TGM1: variants seen among roughly 807,000 people sequenced by gnomAD.
The protein encoded by TGM1 is protein-glutamine gamma-glutamyltransferase K.
Under a neutral mutation model 88.7 loss-of-function variants are expected in TGM1, and 63 were observed. That is an observed-to-expected ratio of 0.71 (90% confidence interval 0.58 to 0.88). TGM1 has a LOEUF of 0.88. Among genes scored for constraint, TGM1 ranks in the 40% least tolerant of loss-of-function variants. The pLI, the probability that TGM1 is intolerant of heterozygous loss-of-function variation, is 0.00. For missense variants in TGM1, 996 were observed against 1,118.0 expected (o/e 0.89, Z 1.56); for synonymous variants, 415 against 431.1 (o/e 0.96, Z 0.46).
At chr14:24,257,953 A>G (rs978834821) in intron 9 of TGM1, among the ~76,000 whole-genome samples, 5 of 152,194 alleles carry the variant, frequency 3.3e-5, no homozygotes, top group Non-Finnish European at 7.3e-5. Context: ...TCTCCAGGAT[A>G]TGTAAGTTAA....
At chr14:24,262,508 C>T (rs41295332) in intron 1 of TGM1, among the ~76,000 whole-genome samples, 154 bp from the exon 2 acceptor site, 5,410 of 152,300 alleles carry the variant, frequency 0.036, 149 homozygotes, top group Non-Finnish European at 0.058. Context: ...AGAGACCTTC[C>T]GCGAAGACCA....
rs1392501016 is a variant in TGM1 at position 24,255,109 on chromosome 14, G to A, written c.1790C>T (p.Ser597Phe). 1.9e-6 allele frequency: 3 copies of A among 1,614,014 alleles called. No homozygotes were observed. The highest frequency in any genetic ancestry group is 2.5e-6 in the Non-Finnish European group (3 of 1,180,058). Residue 597 changes from serine to phenylalanine, a missense_variant, in exon 12 of 15, where the codon TCT (serine) becomes TTT (phenylalanine). Coordinates refer to ENST00000206765, the MANE Select transcript of TGM1 (RefSeq NM_000359.3). This position sits in a 1 kb window ranked among gnomAD's most constrained non-coding sequence, Gnocchi z 4.0. Reference protein sequence around the residue: ...DAVMGQDLMVSVMLINHSSSR... With the variant: ...DAVMGQDLMVFVMLINHSSSR... Reference sequence around the variant, plus strand: ...GCTGCTGTGATTGATCAGCATCACAGAGACCATCAGATCCTGCCCCATCAC... The same window carrying A: ...GCTGCTGTGATTGATCAGCATCACAAAGACCATCAGATCCTGCCCCATCAC...
chr14:24,257,950 G>C (rs970550207), intron 9 of TGM1, among the ~76,000 whole-genome samples: 1 of 151,990 alleles, frequency 6.6e-6, no homozygotes, highest in Admixed American at 6.6e-5. Flanking sequence ...TTATCTCCAG[G>C]ATATGTAAGT....
At position 24,260,065 on chromosome 14, in the gene TGM1, C is replaced by G; in HGVS notation, c.758-7G>C. ...TCCACGTACACAATGTCCTCTGTGTCCCCAGAACACACAAAACTGGTTCCC... is the reference window on the plus strand; with the variant it reads ...TCCACGTACACAATGTCCTCTGTGTGCCCAGAACACACAAAACTGGTTCCC... On this transcript the variant is annotated splice_region_variant and splice_polypyrimidine_tract_variant and intron_variant, in intron 4 of 14. Coordinates refer to ENST00000206765, the MANE Select transcript of TGM1 (RefSeq NM_000359.3). The G allele has an allele frequency of 6.2e-7, 1 of 1,609,254 alleles. No homozygotes were observed. Among genetic ancestry groups the G allele is most frequent in the Non-Finnish European group, 8.5e-7 (1 of 1,175,514 alleles).
At chr14:24,261,975 A>G in intron 2 of TGM1, 59 bp downstream of exon 2, 1 of 1,610,412 alleles carries the variant, frequency 6.2e-7, no homozygotes, top group Non-Finnish European at 8.5e-7. Context: ...TGCCAGGCTG[A>G]GTCTCTGGTC....
chr14:24,249,611 G>A, intron 14 of TGM1, 70 bp from the exon 15 acceptor site: 1 of 1,382,516 alleles, frequency 7.2e-7, no homozygotes, highest in Non-Finnish European at 1.0e-6. Context: ...GCTGATCCAG[G>A]GCAGTCAGGA....
rs1486578821 is a variant in TGM1, at chr14:24,249,366, C to A, written c.2401G>T (p.Gly801Cys). The A allele has an allele frequency of 1.2e-6, 2 of 1,614,080 alleles. No homozygotes were observed. Among genetic ancestry groups the A allele is most frequent in the Non-Finnish European group, 8.5e-7 (1 of 1,180,028 alleles). Residue 801 changes from glycine to cysteine, a missense_variant, in exon 15 of 15, where the codon GGT (glycine) becomes TGT (cysteine). Gly to Cys is a radical substitution (Grantham distance 159). Transcript: ENST00000206765. ...ATGGTCTCTCCTAAGTGACTGTCACCTCCAGCGTCTGAGAAGAAGCCCCCA... is the reference window on the plus strand; with the variant it reads ...ATGGTCTCTCCTAAGTGACTGTCACATCCAGCGTCTGAGAAGAAGCCCCCA... ...GDGGFFSDAGGDSHLGETIPM... is the reference protein window; with the variant it reads ...GDGGFFSDAGCDSHLGETIPM...
At chr14:24,252,482 T>C (rs1218553522) in intron 14 of TGM1, among the ~76,000 whole-genome samples, 1 of 151,954 alleles carries the variant, frequency 6.6e-6, no homozygotes, top group Non-Finnish European at 1.5e-5. Context: ...CCCACCATGG[T>C]GGGGGTGTGG....
intron 12 of TGM1, 53 bp from the exon 13 acceptor site, chr14:24,254,877 C>T (rs1384497871): frequency 5.6e-6 from 9 of 1,612,558 alleles, no homozygotes; most frequent in Non-Finnish European, 6.8e-6. Flanking sequence ...CATGAGGCTT[C>T]CCCCAGGGAC....
chr14:24,256,878 C>T (rs2040755877), intron 9 of TGM1, among the ~76,000 whole-genome samples: 1 of 152,212 alleles, frequency 6.6e-6, no homozygotes, highest in Admixed American at 6.5e-5. Context: ...TCCCGGCATG[C>T]TGCTGGTCCC....
Position 24,256,092 on chromosome 14 carries a change from G to A in TGM1, c.1403-15C>T, listed in dbSNP as rs935571611. The A allele has an allele frequency of 1.3e-5, 20 of 1,551,154 alleles. No individual in the cohort carries two copies. The highest frequency in any genetic ancestry group is 2.4e-5 in the South Asian group (2 of 84,298). On this transcript the variant is annotated splice_polypyrimidine_tract_variant and intron_variant, in intron 9 of 14. Transcript: ENST00000206765. ...GCAGAAGATGCCTAGAGAGTGAGGC[G>A]GGACAGAGGCAAGAGATCTGAGAAG...
Position 24,262,481 on chromosome 14 carries a change from A to G in TGM1, c.-2-127T>C. ...GAAACAATCCCACCTTGGCCCAGAG[A>G]TTCTCCAGACACATCCAGAGACCTT... is the stretch of plus-strand genomic sequence containing the variant. On this transcript the variant is annotated intron_variant, in intron 1 of 14. Coordinates refer to ENST00000206765, the MANE Select transcript of TGM1 (RefSeq NM_000359.3). 16 of 1,037,028 alleles carry G rather than the reference A, an allele frequency of 1.5e-5. No homozygotes were observed. In the South Asian group the frequency reaches 2.2e-4, roughly 14 times the overall value. The allele number at this position is 1,037,028 out of a possible 1,614,324, so 64.2% of individuals were successfully genotyped here. A position where few individuals can be genotyped will look rare whatever the true frequency, so the allele number is the denominator to read the frequency against.
intron 14 of TGM1, among the ~76,000 whole-genome samples, chr14:24,249,764 G>A (rs181177843): frequency 3.3e-5 from 5 of 152,120 alleles, no homozygotes; most frequent in African/African-American, 7.2e-5. Flanking sequence ...TCTCCCCATC[G>A]TCTGGGACTC....
Position 24,259,185 on chromosome 14 carries a change from G to C in TGM1, c.1049C>G (p.Thr350Ser), listed in dbSNP as rs1242023099. 1.9e-6 allele frequency: 3 copies of C among 1,614,026 alleles called. No individual in the cohort carries two copies. The African/African-American group carries it at 4.0e-5, about 22-fold the overall frequency. ...GNWSGDYSRG[T>S]NPSAWVGSVE... is the part of the protein sequence containing the mutation. The stretch of plus-strand genomic sequence containing the variant: ...GCTGCCCACCCACGCTGATGGGTTG[G>C]TGCCTCGGGAGTAATCACCAGACCA... The change falls in exon 7 of 15, where the codon ACC becomes AGC. Residue 350 changes from threonine to serine, a missense_variant. Thr to Ser is a moderately conservative substitution (Grantham distance 58). Transcript: ENST00000206765. This position sits in a 1 kb window ranked among gnomAD's most constrained non-coding sequence, Gnocchi z 5.7.
rs142634031 is a variant in TGM1, at chr14:24,259,813, T to C, written c.877-2A>G. The C allele has an allele frequency of 5.1e-4, 825 of 1,612,990 alleles. No homozygotes were observed. Among genetic ancestry groups the C allele is most frequent in the Non-Finnish European group, 6.6e-4 (783 of 1,179,840 alleles). ...GGCATCCAGCACCCCGTGGTCAAAC[T>C]GGAAGGAGGGATGGAGGGCAGAGGT... On this transcript the variant is annotated splice_acceptor_variant, in intron 5 of 14. Transcript: ENST00000206765. LOFTEE classifies it high-confidence loss of function. This position sits in a 1 kb window ranked among gnomAD's most constrained non-coding sequence, Gnocchi z 5.7.
chr14:24,261,552 C>T, intron 3 of TGM1, 143 bp downstream of exon 3: 1 of 1,051,036 alleles, frequency 9.5e-7, no homozygotes. Flanking sequence ...ACCCCAGGGG[C>T]ACACCCACAC....
chr14:24,261,565 T>C (rs2139027305), intron 3 of TGM1, 130 bp downstream of exon 3: 1 of 1,204,032 alleles, frequency 8.3e-7, no homozygotes, highest in Non-Finnish European at 1.2e-6. Flanking sequence ...ACCCACACAC[T>C]TGCACCTGCC....
At chr14:24,253,099 C>G (rs2040714925) in intron 14 of TGM1, among the ~76,000 whole-genome samples, 1 of 152,196 alleles carries the variant, frequency 6.6e-6, no homozygotes. Flanking sequence ...ACAAAACAAA[C>G]AATGAGTTTG....
chr14:24,252,230 C>T (rs956201099), intron 14 of TGM1, among the ~76,000 whole-genome samples: 1 of 152,208 alleles, frequency 6.6e-6, no homozygotes, highest in Non-Finnish European at 1.5e-5. Context: ...GGTCTGGGCT[C>T]ACAGCAGCTA....
Sources: gnomAD v4.1 joint callset for allele counts (sites outside exome capture counted in the v4.1 genomes callset) on GRCh38, gnomAD v4.1.1 for gene constraint, Gnocchi (gnomAD v3.1) non-coding constraint, MANE v1.5 for transcripts, NCBI Gene and HGNC (gene_info 2026-07-23, HGNC 2026-07-21) for gene names.